The following PRKAG2 variants were observed in gnomAD, a reference collection of about 807,000 sequenced individuals.
The protein encoded by PRKAG2 is protein kinase AMP-activated non-catalytic subunit gamma 2.
PRKAG2 carries 26 observed loss-of-function variants against 69.6 expected under a neutral mutation model. That is an observed-to-expected ratio of 0.37 (90% CI 0.27 to 0.52). The LOEUF is 0.52. Ranked by LOEUF, PRKAG2 falls within the 20% of genes least tolerant of loss-of-function variation. PRKAG2 has a pLI of 0.90. For synonymous variants in PRKAG2, 293 were observed against 285.0 expected (o/e 1.03, Z -0.28); for missense variants, 557 against 740.0 (o/e 0.75, Z 2.87).
At chr7:151,724,445 C>G (rs954799916) in intron 3 of PRKAG2, among the ~76,000 whole-genome samples, 1 of 152,132 alleles carries the variant, frequency 6.6e-6, no homozygotes, top group African/African-American at 2.4e-5. Flanking sequence ...GTCCTCCCCT[C>G]CTGAGGAAGG....
rs1273056353 is a variant in PRKAG2, at chr7:151,771,417, C to T, written c.466+9735G>A. On this transcript the variant is annotated intron_variant, in intron 3 of 15. Coordinates refer to ENST00000287878, the MANE Select transcript of PRKAG2 (RefSeq NM_016203.4). This position sits in a 1 kb window ranked among gnomAD's most constrained non-coding sequence, Gnocchi z 4.0. ...GGAGGTGGGTGCTTAGGGATTATTC[C>T]ACTTCCTCCTTTCCTCCTGCACTCT... is the stretch of plus-strand genomic sequence containing the variant. Among the ~76,000 whole-genome samples the T allele has an allele frequency of 2.0e-5, 3 of 152,150 alleles. No individual in the cohort carries two copies. Among genetic ancestry groups the T allele is most frequent in the African/African-American group, 7.2e-5 (3 of 41,440 alleles).
intron 1 of PRKAG2, among the ~76,000 whole-genome samples, chr7:151,860,262 C>T (rs1460698152): frequency 3.9e-5 from 6 of 152,328 alleles, no homozygotes; most frequent in African/African-American, 1.2e-4. Context: ...GACAGGCCCT[C>T]GGACAGGCAA....
In PRKAG2 at chr7:151,583,790, T is replaced by C. The variant is rs1256935289; in HGVS notation, c.865-7338A>G. On this transcript the variant is annotated intron_variant, in intron 6 of 15. Coordinates refer to ENST00000287878, the MANE Select transcript of PRKAG2 (RefSeq NM_016203.4). This position sits in a 1 kb window ranked among gnomAD's most constrained non-coding sequence, Gnocchi z 4.1. Reference sequence around the variant, plus strand: ...ACATTTTAATAGGATTTTCAACACATTTCAAAGCAAATGTGATAATTAGAT... The same window carrying C: ...ACATTTTAATAGGATTTTCAACACACTTCAAAGCAAATGTGATAATTAGAT... 2.0e-5 allele frequency among the ~76,000 whole-genome samples: 3 copies of C among 152,196 alleles called. No individual in the cohort carries two copies. Among genetic ancestry groups the C allele is most frequent in the South Asian group, 2.1e-4 (1 of 4,832 alleles).
At chr7:151,680,311 G>A (rs922984658) in intron 3 of PRKAG2, among the ~76,000 whole-genome samples, 1 of 152,146 alleles carries the variant, frequency 6.6e-6, no homozygotes, top group East Asian at 1.9e-4. Context: ...GCAGAGGCTC[G>A]TCAAGAAGAG....
chr7:151,592,737 T>C (rs3789809), intron 6 of PRKAG2, among the ~76,000 whole-genome samples: 3,375 of 152,330 alleles, frequency 0.022, 126 homozygotes, highest in East Asian at 0.18. Flanking sequence ...TATGCAGTAT[T>C]CTATTATATG....
At chr7:151,868,482 A>C (rs531993855) in intron 1 of PRKAG2, among the ~76,000 whole-genome samples, 1 of 152,324 alleles carries the variant, frequency 6.6e-6, no homozygotes, top group South Asian at 2.1e-4. Context: ...CGGTTAAAGA[A>C]CCAAGCAAAG....
At chr7:151,624,537 C>T (rs1480798924) in intron 5 of PRKAG2, among the ~76,000 whole-genome samples, 2 of 152,104 alleles carry the variant, frequency 1.3e-5, no homozygotes, top group Non-Finnish European at 2.9e-5. Flanking sequence ...ATCGCTCTTC[C>T]CTTTTCATAT....
At chr7:151,774,021 G>A (rs2076211882) in intron 3 of PRKAG2, among the ~76,000 whole-genome samples, 1 of 152,200 alleles carries the variant, frequency 6.6e-6, no homozygotes, top group Non-Finnish European at 1.5e-5. Context: ...GCCAGATTTT[G>A]TCCCGGGGCT....
At chr7:151,865,729 T>C (rs1477942216) in intron 1 of PRKAG2, among the ~76,000 whole-genome samples, 1 of 152,082 alleles carries the variant, frequency 6.6e-6, no homozygotes, top group African/African-American at 2.4e-5. Flanking sequence ...CCTATGAAAG[T>C]GGAGAAGAGG....
chr7:151,602,662 T>A (rs970243703), intron 5 of PRKAG2, among the ~76,000 whole-genome samples: 1 of 152,194 alleles, frequency 6.6e-6, no homozygotes, highest in Non-Finnish European at 1.5e-5. Context: ...GTTTATCATC[T>A]TACGTTATTG....
In PRKAG2 at chr7:151,794,622, G is replaced by C. The variant is rs370176582; in HGVS notation, c.115-8081C>G. Among the ~76,000 whole-genome samples the C allele has an allele frequency of 8.8e-4, 134 of 152,366 alleles. 1 individual carries two copies. The highest frequency in any genetic ancestry group is 1.7e-3 in the Non-Finnish European group (114 of 68,040). On this transcript the variant is annotated intron_variant, in intron 1 of 15. Transcript: ENST00000287878. The stretch of plus-strand genomic sequence containing the variant: ...CCAGGCCCCTCATGCGGCTCCCGCG[G>C]AAGCCAGGGCAGTTGCTCACACTCA...
rs558115699 is a variant in PRKAG2 at position 151,794,222 on chromosome 7, G to A, written c.115-7681C>T. 5.3e-5 allele frequency among the ~76,000 whole-genome samples: 8 copies of A among 152,300 alleles called. No individual in the cohort carries two copies. In the East Asian group the frequency reaches 1.2e-3, roughly 22 times the overall value. Reference sequence around the variant, plus strand: ...GTATTCCCAGTTCCTCGTCTGGCCCGAGGCCACCCGGGGCTTCCCTAGCTC... The same window carrying A: ...GTATTCCCAGTTCCTCGTCTGGCCCAAGGCCACCCGGGGCTTCCCTAGCTC... On this transcript the variant is annotated intron_variant, in intron 1 of 15. Transcript: ENST00000287878.
chr7:151,791,815 C>T (rs776389857), intron 1 of PRKAG2, among the ~76,000 whole-genome samples: 29 of 152,356 alleles, frequency 1.9e-4, no homozygotes, highest in Non-Finnish European at 2.2e-4. Context: ...GAAGTATTAA[C>T]GACAGAGCCA....
intron 3 of PRKAG2, among the ~76,000 whole-genome samples, chr7:151,707,535 AT>A (rs1838833027): frequency 6.6e-6 from 1 of 151,972 alleles, no homozygotes; most frequent in South Asian, 2.1e-4. Context: ...GGGGAGAGGA[AT>A]GGGAATTTGA....
chr7:151,639,027 C>T (rs73479892), intron 4 of PRKAG2, among the ~76,000 whole-genome samples: 2 of 152,166 alleles, frequency 1.3e-5, no homozygotes, highest in Non-Finnish European at 2.9e-5. Flanking sequence ...GCACTCTGCT[C>T]CCGTTCCCAC....
chr7:151,676,072 C>T (rs1227333041), intron 3 of PRKAG2, among the ~76,000 whole-genome samples: 1 of 152,110 alleles, frequency 6.6e-6, no homozygotes, highest in African/African-American at 2.4e-5. Context: ...AGGCTATTTT[C>T]CTCCATTCAG....
chr7:151,846,813 T>C (rs538619620), intron 1 of PRKAG2, among the ~76,000 whole-genome samples: 5 of 152,320 alleles, frequency 3.3e-5, no homozygotes, highest in South Asian at 2.1e-4. Context: ...TCTTCTGTAG[T>C]TGGATTCTAG....
chr7:151,636,310 T>C (rs1182172834), intron 4 of PRKAG2, among the ~76,000 whole-genome samples: 1 of 152,178 alleles, frequency 6.6e-6, no homozygotes, highest in East Asian at 1.9e-4. Flanking sequence ...AGCAGTCACG[T>C]CCCATTACCT....
chr7:151,856,249 T>C (rs1361833493), intron 1 of PRKAG2, among the ~76,000 whole-genome samples: 1 of 152,178 alleles, frequency 6.6e-6, no homozygotes, highest in Non-Finnish European at 1.5e-5. Context: ...CTGTCCAAGG[T>C]CACACAGCCA....
Sources: allele counts gnomAD v4.1 joint callset (sites outside exome capture counted in the v4.1 genomes callset), GRCh38; gene constraint gnomAD v4.1.1; non-coding constraint Gnocchi (gnomAD v3.1); transcripts MANE v1.5; gene names NCBI Gene and HGNC (gene_info 2026-07-23, HGNC 2026-07-21).